BBS9: variants seen among roughly 807,000 people sequenced by gnomAD.
BBS9 encodes the protein protein PTHB1.
In BBS9, 89 loss-of-function variants were observed where a neutral mutation model predicts 117.7. The ratio of observed to expected loss-of-function variants is 0.76; its 90% CI spans 0.64 to 0.90. BBS9 has a LOEUF of 0.90. Among genes scored for constraint, BBS9 ranks in the 40% least tolerant of loss-of-function variants. The pLI, the probability that BBS9 is intolerant of heterozygous loss-of-function variation, is 0.00. For synonymous variants in BBS9, 379 were observed against 370.9 expected (o/e 1.02, Z -0.25); for missense variants, 982 against 1,042.2 (o/e 0.94, Z 0.80).
At position 33,177,591 on chromosome 7, in the gene BBS9, G is replaced by C. The variant is rs545925422; in HGVS notation, c.442G>C (p.Gly148Arg). 1 of 1,602,408 alleles carries C rather than the reference G, an allele frequency of 6.2e-7. No homozygotes were observed. ...MTYGSFGGVK[G>R]RDLICIQSMD... ...CTATGGATCATTTGGTGGTGTAAAA[G>C]GTAATTTGCTTTTAATCATGAGTAT... The change falls in exon 5 of 23, where the codon GGT becomes CGT. Residue 148 changes from glycine (G) to arginine (R), a missense_variant and splice_region_variant. Physicochemically the swap from Gly to Arg is moderately radical, Grantham distance 125 (BLOSUM62 -2). Transcript: ENST00000242067.
chr7:33,215,188 G>A lies in BBS9; in HGVS notation c.442+37597G>A, dbSNP rs996270848. ...AGCCTGGGCAACAGAGCGAGACTCC[G>A]TCTCAGAAAAGAAAAGAACACAGCT... On this transcript the variant is annotated intron_variant, in intron 5 of 22. Transcript: ENST00000242067. 2.0e-4 allele frequency among the ~76,000 whole-genome samples: 30 copies of A among 152,248 alleles called. 1 individual carries two copies. Among genetic ancestry groups the A allele is most frequent in the Non-Finnish European group, 2.4e-4 (16 of 68,016 alleles).
chr7:33,347,516 C>T (rs1009085984), intron 12 of BBS9, among the ~76,000 whole-genome samples: 8 of 152,002 alleles, frequency 5.3e-5, no homozygotes, highest in Admixed American at 2.0e-4. Context: ...CCAGGATTTA[C>T]AAAGTAAAAA....
At chr7:33,276,086 G>A (rs535322679) in intron 9 of BBS9, among the ~76,000 whole-genome samples, 210 of 152,162 alleles carry the variant, frequency 1.4e-3, no homozygotes, top group Non-Finnish European at 2.7e-3. Flanking sequence ...TCTAATTGTT[G>A]AACTGAAGAT....
chr7:33,441,051 C>T (rs943275960), intron 19 of BBS9, among the ~76,000 whole-genome samples: 1 of 151,990 alleles, frequency 6.6e-6, no homozygotes, highest in Non-Finnish European at 1.5e-5. Context: ...TTTCCGAACA[C>T]TTCAACAGAA....
rs2700702 is a variant in BBS9, at chr7:33,621,686, G to A, written c.2522-13491G>A. Among the ~76,000 whole-genome samples, 909 of 152,094 alleles carry A rather than the reference G, an allele frequency of 6.0e-3. 10 individuals carry two copies. The highest frequency in any genetic ancestry group is 0.021 in the African/African-American group (873 of 41,494). ...ATCCAGCAATCCCACCATATCCAAAGGAAATAAAATAAGTATGTCAAAGAG... is the reference window on the plus strand; with the variant it reads ...ATCCAGCAATCCCACCATATCCAAAAGAAATAAAATAAGTATGTCAAAGAG... On this transcript the variant is annotated intron_variant, in intron 21 of 21. Transcript: ENST00000671952.
chr7:33,470,607 G>T (rs1489826227), intron 19 of BBS9, among the ~76,000 whole-genome samples: 1 of 152,138 alleles, frequency 6.6e-6, no homozygotes, highest in Non-Finnish European at 1.5e-5. Flanking sequence ...AGCTGTACTG[G>T]ATTTATATCT....
intron 19 of BBS9, among the ~76,000 whole-genome samples, chr7:33,459,496 C>A (rs1839143503): frequency 6.6e-6 from 1 of 151,936 alleles, no homozygotes; most frequent in Non-Finnish European, 1.5e-5. Context: ...TTGAGAAGCT[C>A]TGCTCTATAG....
chr7:33,601,689 C>T (rs948867805), intron 21 of BBS9, among the ~76,000 whole-genome samples: 5 of 152,044 alleles, frequency 3.3e-5, no homozygotes, highest in South Asian at 2.1e-4. Context: ...AGAGGCCTTC[C>T]GAATTTGTGG....
chr7:33,391,008 A>G, intron 19 of BBS9, among the ~76,000 whole-genome samples: 1 of 152,222 alleles, frequency 6.6e-6, no homozygotes, highest in Non-Finnish European at 1.5e-5. Context: ...GACAGTCTGT[A>G]GTATGGACAA....
At chr7:33,335,031 G>C (rs1267779258) in intron 9 of BBS9, among the ~76,000 whole-genome samples, 1 of 152,196 alleles carries the variant, frequency 6.6e-6, no homozygotes, top group Non-Finnish European at 1.5e-5. Flanking sequence ...AGCAATGGTA[G>C]TATCTACTCC....
chr7:33,564,416 A>G (rs894584101), intron 21 of BBS9, among the ~76,000 whole-genome samples: 1 of 152,314 alleles, frequency 6.6e-6, no homozygotes, highest in Middle Eastern at 3.4e-3. Flanking sequence ...TTACGTTGCC[A>G]TGTGATTTTG....
At chr7:33,288,310 G>A (rs1803296802) in intron 9 of BBS9, among the ~76,000 whole-genome samples, 1 of 152,024 alleles carries the variant, frequency 6.6e-6, no homozygotes, top group Non-Finnish European at 1.5e-5. Flanking sequence ...CAACCTTTTT[G>A]TGTCCACACT....
chr7:33,631,636 C>A (rs897701934), intron 21 of BBS9, among the ~76,000 whole-genome samples: 2 of 152,206 alleles, frequency 1.3e-5, no homozygotes, highest in African/African-American at 4.8e-5. Flanking sequence ...AGTGGTGGCC[C>A]AGACTCATCC....
chr7:33,178,477 T>C (rs1482950772), intron 5 of BBS9, among the ~76,000 whole-genome samples: 1 of 152,166 alleles, frequency 6.6e-6, no homozygotes, highest in Admixed American at 6.5e-5. Context: ...GGGAGGGCTC[T>C]TATTTCCAAA....
chr7:33,224,128 A>C (rs1183677144), intron 5 of BBS9, among the ~76,000 whole-genome samples: 1 of 152,202 alleles, frequency 6.6e-6, no homozygotes, highest in East Asian at 1.9e-4. Context: ...ATTATTTATA[A>C]TACTACTAAT....
At chr7:33,555,427 G>GT (rs1266583837) in intron 21 of BBS9, among the ~76,000 whole-genome samples, 2 of 152,150 alleles carry the variant, frequency 1.3e-5, no homozygotes, top group Admixed American at 1.3e-4. Context: ...CATGGAGCCT[G>GT]TTTTTTCAGA....
rs531142442 is a variant in BBS9 at position 33,274,094 on chromosome 7, A to G, written c.1016+138A>G. 6 of 880,710 alleles carry G rather than the reference A, an allele frequency of 6.8e-6. No individual in the cohort carries two copies. In the East Asian group the frequency reaches 1.6e-4, roughly 24 times the overall value. The allele number at this position is 880,710 out of a possible 1,614,324, so 54.6% of individuals were successfully genotyped here. A position where few individuals can be genotyped will look rare whatever the true frequency, so the allele number is the denominator to read the frequency against. Reference sequence around the variant, plus strand: ...TAGTATGAATGTCAATAATAAAAGTAATTTAAAATATAACTTTTATTGGAA... The same window carrying G: ...TAGTATGAATGTCAATAATAAAAGTGATTTAAAATATAACTTTTATTGGAA... On this transcript the variant is annotated intron_variant, in intron 9 of 22. Coordinates refer to ENST00000242067, the MANE Select transcript of BBS9 (RefSeq NM_198428.3).
intron 19 of BBS9, among the ~76,000 whole-genome samples, chr7:33,464,964 T>G (rs1839954476): frequency 6.6e-6 from 1 of 152,096 alleles, no homozygotes; most frequent in African/African-American, 2.4e-5. Flanking sequence ...TAGCTGGGAC[T>G]ACAGACGCGT....
intron 5 of BBS9, among the ~76,000 whole-genome samples, chr7:33,233,568 A>AT (rs991340569): frequency 2.0e-5 from 3 of 151,972 alleles, no homozygotes; most frequent in Admixed American, 6.6e-5. Flanking sequence ...CATATCAAGC[A>AT]TTTTTTTTCT....
Sources: allele counts gnomAD v4.1 joint callset (sites outside exome capture counted in the v4.1 genomes callset), GRCh38; gene constraint gnomAD v4.1.1; transcripts MANE v1.5; gene names NCBI Gene and HGNC (gene_info 2026-07-23, HGNC 2026-07-21).